Variants in MCUB observed in about 807,000 individuals in gnomAD.
MCUB encodes the protein mitochondrial calcium uniporter dominant negative subunit beta.
MCUB carries 46 observed loss-of-function variants against 41.4 expected under a neutral mutation model. The ratio of observed to expected loss-of-function variants is 1.11; its 90% CI spans 0.88 to 1.42. The LOEUF (loss-of-function observed/expected upper bound fraction) is 1.42, where lower values mean the gene tolerates loss of function less well. Among genes scored for constraint, MCUB ranks in the 40% most tolerant of loss-of-function variants. MCUB has a pLI of 0.00. For synonymous variants in MCUB, 148 were observed against 148.2 expected (o/e 1.00, Z 0.01); for missense variants, 403 against 404.9 (o/e 1.00, Z 0.04).
intron 1 of MCUB, among the ~76,000 whole-genome samples, chr4:109,599,379 CA>C (rs1727673911): frequency 2.0e-5 from 3 of 152,176 alleles, no homozygotes; most frequent in African/African-American, 7.2e-5. Context: ...ACCGAAACGA[CA>C]GGAAACAACT....
chr4:109,623,479 T>C (rs78842729), intron 1 of MCUB, among the ~76,000 whole-genome samples: 4,872 of 152,276 alleles, frequency 0.032, 255 homozygotes, highest in African/African-American at 0.11. Context: ...GCGCTGATAT[T>C]GAATGTGTCA....
chr4:109,630,286 C>T (rs1009257180), intron 1 of MCUB, among the ~76,000 whole-genome samples: 21 of 152,020 alleles, frequency 1.4e-4, no homozygotes, highest in African/African-American at 4.8e-4. Context: ...ATAGCAATAC[C>T]TTGTCTCTGA....
intron 1 of MCUB, among the ~76,000 whole-genome samples, chr4:109,582,507 C>T (rs1262425394): frequency 2.0e-5 from 3 of 148,994 alleles, no homozygotes; most frequent in African/African-American, 7.4e-5. Context: ...CACATGTACC[C>T]TAAAACTTAA....
intron 1 of MCUB, among the ~76,000 whole-genome samples, chr4:109,562,403 A>G (rs192421977): frequency 6.6e-6 from 1 of 152,346 alleles, no homozygotes. Flanking sequence ...TTCTTTATAT[A>G]CAGCTTTTAC....
chr4:109,623,016 T>G (rs923193602), intron 1 of MCUB, among the ~76,000 whole-genome samples: 1 of 152,170 alleles, frequency 6.6e-6, no homozygotes, highest in Non-Finnish European at 1.5e-5. Context: ...TGCCTCCTGC[T>G]TCTGGTGAGA....
At chr4:109,602,998 G>C (rs1727777934) in intron 1 of MCUB, among the ~76,000 whole-genome samples, 1 of 152,038 alleles carries the variant, frequency 6.6e-6, no homozygotes, top group Admixed American at 6.5e-5. Flanking sequence ...GTTCACTGTT[G>C]GCATAGACAA....
intron 1 of MCUB, among the ~76,000 whole-genome samples, chr4:109,647,472 T>G (rs1479243192): frequency 6.6e-6 from 1 of 152,214 alleles, no homozygotes; most frequent in Non-Finnish European, 1.5e-5. Flanking sequence ...CACTTAGTAA[T>G]ATGCATTTAA....
At chr4:109,618,952 T>TTCAA (rs1329318742) in intron 1 of MCUB, among the ~76,000 whole-genome samples, 1 of 127,644 alleles carries the variant, frequency 7.8e-6, no homozygotes, top group African/African-American at 3.0e-5. Context: ...AACATTAAAC[T>TTCAA]TCTCTCTCTC....
At chr4:109,620,114 T>A (rs1156322280) in intron 1 of MCUB, among the ~76,000 whole-genome samples, 3 of 152,110 alleles carry the variant, frequency 2.0e-5, no homozygotes, top group Non-Finnish European at 4.4e-5. Context: ...AACTGCTGAG[T>A]GGATTCATGG....
At chr4:109,637,539 T>TAC (rs200065520) in intron 1 of MCUB, among the ~76,000 whole-genome samples, 2 of 151,974 alleles carry the variant, frequency 1.3e-5, no homozygotes, top group African/African-American at 2.4e-5. Flanking sequence ...AAATGTAGTG[T>TAC]ACACACACAC....
rs906566767 is a variant in MCUB, at chr4:109,584,181, G to A, written c.99+23745G>A. On this transcript the variant is annotated intron_variant, in intron 1 of 7. Coordinates refer to ENST00000394650, the MANE Select transcript of MCUB (RefSeq NM_017918.5). ...CTTCTTCCTGGTTTAGTCTTGGGAG[G>A]GTGTATGTGTCCAGGAATTTATCCA... Among the ~76,000 whole-genome samples, 93 of 152,062 alleles carry A rather than the reference G, an allele frequency of 6.1e-4. 1 individual carries two copies. The highest frequency in any genetic ancestry group is 2.0e-3 in the African/African-American group (84 of 41,494).
At chr4:109,589,493 C>A (rs1384602070) in intron 1 of MCUB, among the ~76,000 whole-genome samples, 1 of 152,122 alleles carries the variant, frequency 6.6e-6, no homozygotes. Flanking sequence ...AGAGAAAGCC[C>A]TTAGGTTTAG....
intron 1 of MCUB, among the ~76,000 whole-genome samples, chr4:109,595,617 C>T (rs1346893608): frequency 6.6e-6 from 1 of 152,282 alleles, no homozygotes; most frequent in Non-Finnish European, 1.5e-5. Flanking sequence ...ATTTCAGGTG[C>T]ACCACAACTA....
intron 1 of MCUB, among the ~76,000 whole-genome samples, chr4:109,645,821 CCTCAAAGGCCAGTCCCCCTG>C (rs1273911249): frequency 6.6e-6 from 1 of 152,208 alleles, no homozygotes; most frequent in African/African-American, 2.4e-5. Context: ...CGGTCTTCCT[CCTCAAAGGCCAGTCCCCCTG>C]CTCAGATGCT....
chr4:109,656,482 T>A (rs553236825), intron 1 of MCUB, among the ~76,000 whole-genome samples: 11 of 142,492 alleles, frequency 7.7e-5, no homozygotes, highest in African/African-American at 2.8e-4. Context: ...GCTCAAGCAA[T>A]CCTCCTGCCT....
At chr4:109,679,072 T>A (rs976571055) in intron 4 of MCUB, among the ~76,000 whole-genome samples, 2 of 147,158 alleles carry the variant, frequency 1.4e-5, no homozygotes, top group African/African-American at 5.1e-5. Context: ...GCAGAGGCGC[T>A]CCTCACTTCC....
At chr4:109,598,439 T>C (rs981238931) in intron 1 of MCUB, among the ~76,000 whole-genome samples, 5 of 151,810 alleles carry the variant, frequency 3.3e-5, no homozygotes, top group Admixed American at 2.6e-4. Context: ...CCAAAAAAAA[T>C]ACGAAAACCA....
At chr4:109,608,929 C>T (rs1372475042) in intron 1 of MCUB, among the ~76,000 whole-genome samples, 1 of 152,202 alleles carries the variant, frequency 6.6e-6, no homozygotes, top group Non-Finnish European at 1.5e-5. Context: ...AGGGAGCACC[C>T]TAAGCCTAGT....
intron 4 of MCUB, chr4:109,674,190 A>G (rs1161792121): frequency 2.4e-6 from 2 of 831,320 alleles, no homozygotes; most frequent in Non-Finnish European, 4.3e-6. Flanking sequence ...GAAGTTACCT[A>G]TTATTGTTGG....
Sources: allele counts gnomAD v4.1 joint callset (sites outside exome capture counted in the v4.1 genomes callset), GRCh38; gene constraint gnomAD v4.1.1; transcripts MANE v1.5; gene names NCBI Gene and HGNC (gene_info 2026-07-23, HGNC 2026-07-21).